OPCML: variants seen among roughly 807,000 people sequenced by gnomAD.
The protein encoded by OPCML is opioid binding protein/cell adhesion molecule like, also known as opioid-binding protein/cell adhesion molecule.
In OPCML, 13 loss-of-function variants were observed where a neutral mutation model predicts 37.8. The ratio of observed to expected loss-of-function variants is 0.34; its 90% CI spans 0.22 to 0.55. The LOEUF is 0.55. Ranked by LOEUF, OPCML falls within the 20% of genes least tolerant of loss-of-function variation. The pLI, the probability that OPCML is intolerant of heterozygous loss-of-function variation, is 0.91. For synonymous variants in OPCML, 176 were observed against 168.8 expected (o/e 1.04, Z -0.33); for missense variants, 341 against 435.6 (o/e 0.78, Z 1.93).
intron 1 of OPCML, among the ~76,000 whole-genome samples, chr11:133,078,965 C>A (rs11823094): frequency 6.6e-6 from 1 of 152,078 alleles, no homozygotes. Flanking sequence ...CCACGTGAAT[C>A]TTTTTTACTG....
At chr11:133,366,645 T>A (rs1486510433) in intron 1 of OPCML, among the ~76,000 whole-genome samples, 4 of 151,964 alleles carry the variant, frequency 2.6e-5, no homozygotes, top group African/African-American at 9.7e-5. Context: ...ACTGAGGAAT[T>A]AATCTCAAAA....
chr11:132,999,485 T>G (rs1219602622), intron 1 of OPCML, among the ~76,000 whole-genome samples: 1 of 151,172 alleles, frequency 6.6e-6, no homozygotes, highest in East Asian at 1.9e-4. Flanking sequence ...TTGAGCTCCT[T>G]GTCAGAAAAA....
At chr11:132,947,730 A>T (rs935099491) in intron 1 of OPCML, among the ~76,000 whole-genome samples, 4 of 152,258 alleles carry the variant, frequency 2.6e-5, no homozygotes, top group African/African-American at 9.6e-5. Context: ...GCTGAGTATC[A>T]TGACACGGTG....
chr11:133,114,690 G>A (rs1431778), intron 1 of OPCML, among the ~76,000 whole-genome samples: 84,963 of 152,044 alleles, frequency 0.56, 23,939 homozygotes, highest in East Asian at 0.8. Flanking sequence ...ATAGAAATTT[G>A]CATCTAATTC....
intron 1 of OPCML, among the ~76,000 whole-genome samples, chr11:133,098,294 C>T (rs1481629953): frequency 2.0e-5 from 3 of 150,378 alleles, no homozygotes; most frequent in Non-Finnish European, 4.4e-5. Context: ...TGGCTCACTG[C>T]AAGCTCTGCC....
chr11:132,927,573 GA>G (rs1945038392), intron 2 of OPCML, among the ~76,000 whole-genome samples: 1 of 152,106 alleles, frequency 6.6e-6, no homozygotes, highest in Admixed American at 6.6e-5. Context: ...CAAGAAATAT[GA>G]AAGAGAGTCC....
intron 1 of OPCML, among the ~76,000 whole-genome samples, chr11:133,116,614 G>T (rs184380531): frequency 3.7e-4 from 56 of 152,274 alleles, no homozygotes; most frequent in African/African-American, 1.3e-3. Context: ...GGAATACCTA[G>T]AAGTGATCCT....
At chr11:133,443,134 A>T (rs1946398333) in intron 1 of OPCML, among the ~76,000 whole-genome samples, 1 of 152,218 alleles carries the variant, frequency 6.6e-6, no homozygotes, top group African/African-American at 2.4e-5. Flanking sequence ...CATTATTGTA[A>T]TAGTTGCATA....
intron 1 of OPCML, among the ~76,000 whole-genome samples, chr11:132,991,499 T>C (rs988280010): frequency 6.6e-6 from 1 of 152,252 alleles, no homozygotes; most frequent in Non-Finnish European, 1.5e-5. Context: ...TCATTAAATT[T>C]GAAATATTAA....
chr11:133,275,014 T>C (rs1941953245), intron 1 of OPCML, among the ~76,000 whole-genome samples: 1 of 152,224 alleles, frequency 6.6e-6, no homozygotes, highest in African/African-American at 2.4e-5. Context: ...GCTATGATTT[T>C]AGATGAACAT....
intron 4 of OPCML, among the ~76,000 whole-genome samples, chr11:132,502,935 T>C (rs993212092): frequency 6.6e-6 from 1 of 152,198 alleles, no homozygotes; most frequent in Non-Finnish European, 1.5e-5. Flanking sequence ...TCGCATCCCT[T>C]ATAGCTGATC....
intron 2 of OPCML, among the ~76,000 whole-genome samples, chr11:132,766,768 T>A (rs1946459732): frequency 6.6e-6 from 1 of 151,702 alleles, no homozygotes; most frequent in Non-Finnish European, 1.5e-5. Context: ...GACAACCAGA[T>A]GCATTGTGTG....
At chr11:133,501,308 G>A (rs773501894) in intron 1 of OPCML, among the ~76,000 whole-genome samples, 1 of 152,134 alleles carries the variant, frequency 6.6e-6, no homozygotes, top group African/African-American at 2.4e-5. Context: ...GTACAGTGCG[G>A]CTAGTGAAAT....
At chr11:132,794,688 C>T (rs1938187003) in intron 2 of OPCML, among the ~76,000 whole-genome samples, 2 of 152,068 alleles carry the variant, frequency 1.3e-5, no homozygotes, top group Admixed American at 1.3e-4. Flanking sequence ...ATAACCACCT[C>T]CTACACATGA....
chr11:133,054,490 T>C (rs1948186068), intron 1 of OPCML, among the ~76,000 whole-genome samples: 1 of 152,216 alleles, frequency 6.6e-6, no homozygotes, highest in Non-Finnish European at 1.5e-5. Context: ...TACTTTTGCC[T>C]GGAACACTGC....
At chr11:133,231,273 C>T (rs921622377) in intron 1 of OPCML, among the ~76,000 whole-genome samples, 3 of 152,072 alleles carry the variant, frequency 2.0e-5, no homozygotes, top group South Asian at 2.1e-4. Context: ...CCTCTTCTAC[C>T]GCTTGATGAG....
chr11:133,531,535 G>A (rs958723095), intron 1 of OPCML, among the ~76,000 whole-genome samples: 10 of 152,118 alleles, frequency 6.6e-5, no homozygotes, highest in Admixed American at 5.9e-4. Flanking sequence ...AGAGGATTCC[G>A]AATTTCAAGG....
chr11:133,240,734 C>T (rs1205044482), intron 1 of OPCML, among the ~76,000 whole-genome samples: 1 of 152,204 alleles, frequency 6.6e-6, no homozygotes, highest in Non-Finnish European at 1.5e-5. Flanking sequence ...TCATAAGTCA[C>T]CTTAAAGTCA....
intron 2 of OPCML, among the ~76,000 whole-genome samples, chr11:132,820,650 T>C (rs117076436): frequency 0.016 from 2,487 of 152,120 alleles, 27 homozygotes; most frequent in Middle Eastern, 0.031. Context: ...GGAAGAAAGG[T>C]AAAGACAGAA....
Sources: allele counts gnomAD v4.1 joint callset (sites outside exome capture counted in the v4.1 genomes callset), GRCh38; gene constraint gnomAD v4.1.1; transcripts MANE v1.5; gene names NCBI Gene and HGNC (gene_info 2026-07-23, HGNC 2026-07-21).